TNIP3: variants seen among roughly 807,000 people sequenced by gnomAD.
The protein encoded by TNIP3 is TNFAIP3 interacting protein 3.
In TNIP3, 34 loss-of-function variants were observed where a neutral mutation model predicts 54.1. That is an observed-to-expected ratio of 0.63 (90% CI 0.48 to 0.84). TNIP3 has a LOEUF of 0.84. Ranked by LOEUF, TNIP3 falls within the 40% of genes least tolerant of loss-of-function variation. The probability of loss-of-function intolerance (pLI) is 0.00; values close to 1 mark genes in which losing one functional copy is unlikely to be tolerated. For synonymous variants in TNIP3, 134 were observed against 136.8 expected (o/e 0.98, Z 0.14); for missense variants, 366 against 387.6 (o/e 0.94, Z 0.47).
At chr4:121,150,327 G>A in intron 5 of TNIP3, 108 bp from the exon 6 acceptor site, 1 of 588,902 alleles carries the variant, frequency 1.7e-6, no homozygotes, top group Non-Finnish European at 3.0e-6. Context: ...TGCATTTCAT[G>A]TTTAACGCTG....
chr4:121,138,013 A>T (rs760469481), intron 10 of TNIP3: 11 of 451,448 alleles, frequency 2.4e-5, no homozygotes, highest in South Asian at 1.7e-4. Context: ...AGTATAGCAG[A>T]TTCTAGAAAG....
intron 2 of TNIP3, among the ~76,000 whole-genome samples, chr4:121,188,821 C>T (rs762252742): frequency 1.3e-5 from 2 of 152,140 alleles, no homozygotes; most frequent in Non-Finnish European, 2.9e-5. Flanking sequence ...AAACCTTGGA[C>T]ATGGGTTCAT....
At chr4:121,202,060 C>T (rs752605546) in intron 2 of TNIP3, among the ~76,000 whole-genome samples, 8 of 152,030 alleles carry the variant, frequency 5.3e-5, no homozygotes, top group South Asian at 4.2e-4. Context: ...AAAAACAATC[C>T]TAAAATTCAT....
At chr4:121,151,920 G>A (rs1729783581) in intron 5 of TNIP3, among the ~76,000 whole-genome samples, 1 of 152,152 alleles carries the variant, frequency 6.6e-6, no homozygotes, top group South Asian at 2.1e-4. Flanking sequence ...TGAGATGTTA[G>A]ACAAATCAAT....
intron 7 of TNIP3, among the ~76,000 whole-genome samples, chr4:121,143,653 G>A (rs985351125): frequency 1.3e-5 from 2 of 152,140 alleles, no homozygotes; most frequent in East Asian, 3.8e-4. Context: ...ACTGCTCCTA[G>A]GAGAAATGTT....
At chr4:121,181,540 C>A (rs1223847539) in intron 3 of TNIP3, among the ~76,000 whole-genome samples, 2 of 152,022 alleles carry the variant, frequency 1.3e-5, no homozygotes, top group African/African-American at 2.4e-5. Context: ...AGAAAGCACA[C>A]AACACTGTTC....
intron 2 of TNIP3, chr4:121,216,375 A>T: frequency 6.9e-7 from 1 of 1,442,766 alleles, no homozygotes; most frequent in Non-Finnish European, 9.4e-7. Context: ...TTAGAATATT[A>T]GTATTAGAAG....
At chr4:121,227,292 A>G in intron 1 of TNIP3, 4 of 1,120,494 alleles carry the variant, frequency 3.6e-6, no homozygotes, top group Non-Finnish European at 5.1e-6. Context: ...TTAATATGAG[A>G]ACTTTATGCA....
At chr4:121,194,937 G>T (rs1023023304) in intron 2 of TNIP3, among the ~76,000 whole-genome samples, 1 of 152,176 alleles carries the variant, frequency 6.6e-6, no homozygotes, top group African/African-American at 2.4e-5. Flanking sequence ...GGAAGCCAAG[G>T]TGGGCGGATC....
intron 3 of TNIP3, among the ~76,000 whole-genome samples, chr4:121,175,009 G>T (rs1724223741): frequency 6.6e-6 from 1 of 152,176 alleles, no homozygotes; most frequent in Non-Finnish European, 1.5e-5. Context: ...GTCCCTAGGA[G>T]ACATCCACAT....
chr4:121,201,679 C>G (rs1052996261), intron 2 of TNIP3, among the ~76,000 whole-genome samples: 2 of 152,178 alleles, frequency 1.3e-5, no homozygotes, highest in Non-Finnish European at 2.9e-5. Flanking sequence ...GATTAACCAA[C>G]TAGCTATGAT....
chr4:121,152,341 A>G (rs1352173561), intron 5 of TNIP3, among the ~76,000 whole-genome samples: 1 of 152,224 alleles, frequency 6.6e-6, no homozygotes, highest in East Asian at 1.9e-4. Context: ...ACCAAAACCC[A>G]TCTTAAATAA....
At chr4:121,226,482 G>C (rs1434488801) in intron 1 of TNIP3, among the ~76,000 whole-genome samples, 1 of 152,226 alleles carries the variant, frequency 6.6e-6, no homozygotes, top group African/African-American at 2.4e-5. Flanking sequence ...GCCTTCCACT[G>C]TGGGGACAGG....
chr4:121,212,827 G>A (rs552798335), intron 2 of TNIP3, among the ~76,000 whole-genome samples: 28 of 152,262 alleles, frequency 1.8e-4, no homozygotes, highest in African/African-American at 6.7e-4. Context: ...CAGGTAAGAA[G>A]GGGGTTAAAA....
chr4:121,158,211 G>A (rs578055236), intron 3 of TNIP3, among the ~76,000 whole-genome samples: 1 of 152,194 alleles, frequency 6.6e-6, no homozygotes, highest in South Asian at 2.1e-4. Flanking sequence ...TTAGATGGAA[G>A]AGGAGGTTGC....
chr4:121,208,430 A>G (rs894329508), intron 2 of TNIP3, among the ~76,000 whole-genome samples: 2 of 152,128 alleles, frequency 1.3e-5, no homozygotes, highest in Admixed American at 6.6e-5. Context: ...CCAGGAACTG[A>G]CTCAGCACAA....
chr4:121,144,448 C>T (rs1729312283), intron 7 of TNIP3, among the ~76,000 whole-genome samples: 2 of 152,204 alleles, frequency 1.3e-5, no homozygotes. Context: ...GTTGCCCAGA[C>T]TGGAATGCAG....
intron 2 of TNIP3, among the ~76,000 whole-genome samples, chr4:121,200,362 G>T (rs559560622): frequency 2.0e-5 from 3 of 152,148 alleles, no homozygotes; most frequent in Non-Finnish European, 4.4e-5. Context: ...TTTATAGTAG[G>T]GCCCTCAGTA....
At chr4:121,206,257 A>G (rs1726184052) in intron 2 of TNIP3, among the ~76,000 whole-genome samples, 1 of 152,198 alleles carries the variant, frequency 6.6e-6, no homozygotes, top group African/African-American at 2.4e-5. Context: ...TCAAGTAGAC[A>G]TGTTGATTAG....
Sources: gnomAD v4.1 joint callset for allele counts (sites outside exome capture counted in the v4.1 genomes callset) on GRCh38, gnomAD v4.1.1 for gene constraint, MANE v1.5 for transcripts, NCBI Gene and HGNC (gene_info 2026-07-23, HGNC 2026-07-21) for gene names.